The following ERBB4 variants were observed in gnomAD, a reference collection of about 807,000 sequenced individuals.
ERBB4 encodes erb-b2 receptor tyrosine kinase 4, also known as receptor tyrosine-protein kinase erbB-4.
Under a neutral mutation model 158.0 loss-of-function variants are expected in ERBB4, and 42 were observed. The ratio of observed to expected loss-of-function variants is 0.27; its 90% CI spans 0.21 to 0.34. The LOEUF (loss-of-function observed/expected upper bound fraction) is 0.34, where lower values mean the gene tolerates loss of function less well. Among genes scored for constraint, ERBB4 ranks in the 10% least tolerant of loss-of-function variants. The pLI is 1.00. For synonymous variants in ERBB4, 583 were observed against 558.7 expected (o/e 1.04, Z -0.61); for missense variants, 1,333 against 1,624.1 (o/e 0.82, Z 3.08).
At position 211,894,953 on chromosome 2, in the gene ERBB4, TA is replaced by T. The variant is rs555776275; in HGVS notation, c.421+52476del. 8.4e-4 allele frequency among the ~76,000 whole-genome samples: 128 copies of T among 152,312 alleles called. 1 individual carries two copies. The highest frequency in any genetic ancestry group is 2.9e-3 in the African/African-American group (122 of 41,570). The stretch of plus-strand genomic sequence containing the variant: ...TTAGTCAAATCAAATTAACCTCAGT[TA>T]ATTTGTTGCTAAGCAAGTAAATCAA... On this transcript the variant is annotated intron_variant, in intron 3 of 27. Transcript: ENST00000342788.
chr2:212,152,109 TG>T (rs1409114440), intron 1 of ERBB4, among the ~76,000 whole-genome samples: 2 of 152,170 alleles, frequency 1.3e-5, no homozygotes, highest in African/African-American at 4.8e-5. Context: ...AAGGCTCTAT[TG>T]TTTTTTTAAA....
intron 9 of ERBB4, 87 bp downstream of exon 9, chr2:211,711,963 C>A: frequency 8.5e-7 from 1 of 1,171,414 alleles, no homozygotes; most frequent in South Asian, 1.3e-5. Context: ...CTTCAGCTTC[C>A]AGAGGAATCA....
At chr2:211,507,556 C>T (rs574108418) in intron 20 of ERBB4, among the ~76,000 whole-genome samples, 1 of 152,146 alleles carries the variant, frequency 6.6e-6, no homozygotes, top group Admixed American at 6.5e-5. Flanking sequence ...GATACATAGA[C>T]CAGTTAAACA....
At chr2:212,166,100 T>A (rs1018118760) in intron 1 of ERBB4, among the ~76,000 whole-genome samples, 2 of 152,030 alleles carry the variant, frequency 1.3e-5, no homozygotes, top group African/African-American at 4.8e-5. Context: ...AAATTTAGTT[T>A]GGTTCAACAA....
At chr2:212,461,412 T>G (rs1483921917) in intron 1 of ERBB4, among the ~76,000 whole-genome samples, 6 of 152,188 alleles carry the variant, frequency 3.9e-5, no homozygotes, top group Admixed American at 3.9e-4. Flanking sequence ...TTTGGAGCTT[T>G]GTCTGCCCCA....
At chr2:211,553,910 A>T (rs2067170552) in intron 20 of ERBB4, among the ~76,000 whole-genome samples, 1 of 152,230 alleles carries the variant, frequency 6.6e-6, no homozygotes, top group South Asian at 2.1e-4. Flanking sequence ...TTCAATAGTT[A>T]AAACATTGCT....
intron 1 of ERBB4, among the ~76,000 whole-genome samples, chr2:212,476,158 C>CACACAA (rs1265797665): frequency 6.6e-6 from 1 of 151,074 alleles, no homozygotes; most frequent in African/African-American, 2.4e-5. Context: ...CTCTGTCACA[C>CACACAA]ACACACACAC....
At chr2:212,178,757 G>A (rs10184500) in intron 1 of ERBB4, among the ~76,000 whole-genome samples, 3 of 151,392 alleles carry the variant, frequency 2.0e-5, no homozygotes, top group African/African-American at 7.3e-5. Context: ...ATAAGAGCAG[G>A]TAATTTATAT....
intron 19 of ERBB4, among the ~76,000 whole-genome samples, chr2:211,593,240 GAAGAA>G (rs1007253814): frequency 1.3e-5 from 2 of 152,156 alleles, no homozygotes; most frequent in African/African-American, 4.8e-5. Flanking sequence ...TAACAAACTT[GAAGAA>G]GAGAGAAGGG....
At chr2:211,818,040 T>C (rs1228149679) in intron 3 of ERBB4, among the ~76,000 whole-genome samples, 1 of 152,180 alleles carries the variant, frequency 6.6e-6, no homozygotes, top group Non-Finnish European at 1.5e-5. Context: ...ATACAGATGA[T>C]ATTACACATT....
At chr2:211,509,497 C>CA (rs1044021070) in intron 20 of ERBB4, among the ~76,000 whole-genome samples, 13 of 151,574 alleles carry the variant, frequency 8.6e-5, no homozygotes, top group African/African-American at 3.1e-4. Context: ...GAAATCCTAG[C>CA]AAAAAAATCT....
chr2:211,462,688 T>C (rs1306141475), intron 20 of ERBB4, among the ~76,000 whole-genome samples: 1 of 152,208 alleles, frequency 6.6e-6, no homozygotes, highest in African/African-American at 2.4e-5. Context: ...CTAGAAAAAT[T>C]ACCATTCCCA....
intron 4 of ERBB4, among the ~76,000 whole-genome samples, chr2:211,756,388 A>T (rs946089162): frequency 3.3e-5 from 5 of 152,162 alleles, no homozygotes; most frequent in African/African-American, 1.2e-4. Flanking sequence ...GATGAGCACA[A>T]CTGTTTGGGG....
chr2:211,660,342 T>C (rs904644189), intron 15 of ERBB4, among the ~76,000 whole-genome samples: 7 of 152,108 alleles, frequency 4.6e-5, no homozygotes, highest in African/African-American at 1.7e-4. Flanking sequence ...ACTAGGGAAA[T>C]GGTAACTGTG....
chr2:212,535,824 T>C (rs1693023805), intron 1 of ERBB4, among the ~76,000 whole-genome samples: 1 of 152,238 alleles, frequency 6.6e-6, no homozygotes, highest in African/African-American at 2.4e-5. Flanking sequence ...TCTCTTCTGT[T>C]ACAATTAAGA....
At chr2:212,480,359 C>G (rs1689627484) in intron 1 of ERBB4, among the ~76,000 whole-genome samples, 1 of 152,068 alleles carries the variant, frequency 6.6e-6, no homozygotes, top group Non-Finnish European at 1.5e-5. Flanking sequence ...GGCTGTAGCA[C>G]AGGAAAGAGG....
chr2:211,421,746 G>A (rs935927349), intron 24 of ERBB4, among the ~76,000 whole-genome samples: 2 of 147,712 alleles, frequency 1.4e-5, no homozygotes, highest in African/African-American at 4.9e-5. Context: ...AGTGTCTGAG[G>A]ATTAAGACCT....
At chr2:212,076,561 A>T (rs1173005098) in intron 2 of ERBB4, among the ~76,000 whole-genome samples, 1 of 151,990 alleles carries the variant, frequency 6.6e-6, no homozygotes, top group Non-Finnish European at 1.5e-5. Flanking sequence ...ACTAGAATAT[A>T]ATGTGGTAAG....
intron 23 of ERBB4, among the ~76,000 whole-genome samples, chr2:211,423,573 AAAGT>A (rs200117786): frequency 0.011 from 1,622 of 152,126 alleles, 26 homozygotes; most frequent in African/African-American, 0.035. Flanking sequence ...AGAAAAAAGA[AAAGT>A]AAGAGTTTGA....
Sources: gnomAD v4.1 joint callset for allele counts (sites outside exome capture counted in the v4.1 genomes callset) on GRCh38, gnomAD v4.1.1 for gene constraint, MANE v1.5 for transcripts, NCBI Gene and HGNC (gene_info 2026-07-23, HGNC 2026-07-21) for gene names.